Variants in EFCAB8 observed in about 807,000 individuals in gnomAD.
The protein encoded by EFCAB8 is EF-hand calcium binding domain 8.
In EFCAB8, 100 loss-of-function variants were observed where a neutral mutation model predicts 116.3. That is an observed-to-expected ratio of 0.86 (90% CI 0.73 to 1.02). EFCAB8 has a LOEUF of 1.02. Among genes scored for constraint, EFCAB8 ranks in the 50% least tolerant of loss-of-function variants. The pLI, the probability that EFCAB8 is intolerant of heterozygous loss-of-function variation, is 0.00. For missense variants in EFCAB8, 1,320 were observed against 1,416.9 expected (o/e 0.93, Z 1.10); for synonymous variants, 558 against 567.9 (o/e 0.98, Z 0.25).
chr20:32,896,850 A>T (rs191670747), intron 10 of EFCAB8, among the ~76,000 whole-genome samples: 28 of 152,302 alleles, frequency 1.8e-4, no homozygotes, highest in African/African-American at 5.8e-4. Flanking sequence ...TCAGGGCCAG[A>T]GGAATGATGA....
At chr20:32,917,818 C>T (rs748315714) in intron 18 of EFCAB8, among the ~76,000 whole-genome samples, 5 of 152,204 alleles carry the variant, frequency 3.3e-5, no homozygotes, top group Non-Finnish European at 7.3e-5. Flanking sequence ...GTAGATTACT[C>T]GCTCCTTTCC....
At chr20:32,861,744 A>G (rs767037028) in intron 1 of EFCAB8, among the ~76,000 whole-genome samples, 2 of 152,180 alleles carry the variant, frequency 1.3e-5, no homozygotes, top group Non-Finnish European at 2.9e-5. Flanking sequence ...AAAGATCGCC[A>G]TGAACCCTTT....
intron 2 of EFCAB8, among the ~76,000 whole-genome samples, chr20:32,864,854 A>G (rs1984307325): frequency 1.3e-5 from 2 of 152,226 alleles, no homozygotes. Context: ...TGAGACAAGG[A>G]GTAATAACAA....
intron 9 of EFCAB8, among the ~76,000 whole-genome samples, chr20:32,894,463 G>C (rs1418495698): frequency 1.3e-5 from 2 of 152,242 alleles, no homozygotes; most frequent in East Asian, 1.9e-4. Flanking sequence ...AACTGGCACG[G>C]GAGGTTGTGG....
At chr20:32,937,508 A>G (rs1298609869) in intron 22 of EFCAB8, among the ~76,000 whole-genome samples, 1 of 152,278 alleles carries the variant, frequency 6.6e-6, no homozygotes, top group Non-Finnish European at 1.5e-5. Flanking sequence ...CTGAATATAT[A>G]GAAAATCTGA....
chr20:32,960,206 C>A, intron 26 of EFCAB8, 45 bp downstream of exon 26: 1 of 1,519,220 alleles, frequency 6.6e-7, no homozygotes, highest in Non-Finnish European at 8.9e-7. Context: ...GGTCAGGGGC[C>A]AGGGGATCCC....
intron 9 of EFCAB8, 68 bp downstream of exon 9, chr20:32,893,366 C>G: frequency 6.5e-7 from 1 of 1,538,466 alleles, no homozygotes; most frequent in Non-Finnish European, 8.8e-7. Flanking sequence ...TGAGGTCATC[C>G]TGGTCCCCGA....
chr20:32,927,536 G>T (rs1259036964), intron 20 of EFCAB8, among the ~76,000 whole-genome samples: 1 of 152,054 alleles, frequency 6.6e-6, no homozygotes, highest in Non-Finnish European at 1.5e-5. Context: ...GTGGAGACAG[G>T]GTTTCACCAT....
Position 32,918,235 on chromosome 20 carries a change from C to A in EFCAB8, c.2062-127C>A, listed in dbSNP as rs1389309017. ...CTCTGGTCTGATGCCTTTAAGGGGG[C>A]TAGGTTTCTGGGAAGCAAGCCCTGG... On this transcript the variant is annotated intron_variant, in intron 18 of 26. Coordinates refer to ENST00000400522, the MANE Select transcript of EFCAB8 (RefSeq NM_001143967.2). 3.0e-5 allele frequency: 27 copies of A among 903,626 alleles called. No individual in the cohort carries two copies. In the East Asian group the frequency reaches 7.1e-4, roughly 24 times the overall value. The allele number at this position is 903,626 out of a possible 1,614,324, so 56.0% of individuals were successfully genotyped here.
chr20:32,873,593 A>T (rs1984796082), intron 3 of EFCAB8, among the ~76,000 whole-genome samples: 1 of 150,250 alleles, frequency 6.7e-6, no homozygotes, highest in African/African-American at 2.4e-5. Flanking sequence ...TGGGTGTGGT[A>T]GGCTCACACC....
chr20:32,898,792 A>G (rs141988738), intron 11 of EFCAB8, among the ~76,000 whole-genome samples, 169 bp downstream of exon 11: 1 of 152,272 alleles, frequency 6.6e-6, no homozygotes, highest in African/African-American at 2.4e-5. Context: ...AGCCTCTTTT[A>G]TCTCCCAATC....
At chr20:32,887,716 G>A (rs192492931) in intron 6 of EFCAB8, among the ~76,000 whole-genome samples, 1 of 152,318 alleles carries the variant, frequency 6.6e-6, no homozygotes, top group East Asian at 1.9e-4. Context: ...GGCTCTGCTC[G>A]TGGCTTTCCC....
chr20:32,882,677 C>G (rs1052725645), intron 5 of EFCAB8, among the ~76,000 whole-genome samples: 1 of 151,846 alleles, frequency 6.6e-6, no homozygotes, highest in Non-Finnish European at 1.5e-5. Flanking sequence ...GCCGCCACCA[C>G]GCCTGGCCGA....
intron 3 of EFCAB8, among the ~76,000 whole-genome samples, chr20:32,873,825 T>A (rs1984810699): frequency 7.1e-6 from 1 of 141,054 alleles, no homozygotes; most frequent in Non-Finnish European, 1.6e-5. Context: ...AAAAAAAAAA[T>A]GCAGTTCACC....
intron 22 of EFCAB8, among the ~76,000 whole-genome samples, chr20:32,941,229 G>T (rs1015233142): frequency 1.3e-5 from 2 of 148,198 alleles, no homozygotes; most frequent in African/African-American, 5.0e-5. Flanking sequence ...TCCAGTCTGG[G>T]CAACAAGAGC....
intron 5 of EFCAB8, 29 bp downstream of exon 5, chr20:32,878,836 G>C (rs1044584659): frequency 6.5e-7 from 1 of 1,541,380 alleles, no homozygotes; most frequent in Non-Finnish European, 8.8e-7. Flanking sequence ...GGCCTTGGTG[G>C]GTGGGGTGAC....
At chr20:32,901,716 C>A (rs1156439958) in intron 11 of EFCAB8, among the ~76,000 whole-genome samples, 1 of 152,270 alleles carries the variant, frequency 6.6e-6, no homozygotes, top group Non-Finnish European at 1.5e-5. Context: ...GAGACAGAGT[C>A]TTGCTGCAGT....
intron 16 of EFCAB8, among the ~76,000 whole-genome samples, chr20:32,912,585 A>G (rs1986992052): frequency 1.3e-5 from 2 of 152,144 alleles, no homozygotes; most frequent in Admixed American, 6.5e-5. Flanking sequence ...ATGGACATGG[A>G]TGCCTACCCT....
chr20:32,937,036 T>A (rs1988147418), intron 22 of EFCAB8, among the ~76,000 whole-genome samples: 1 of 151,958 alleles, frequency 6.6e-6, no homozygotes, highest in South Asian at 2.1e-4. Flanking sequence ...TACCCCTAAG[T>A]ATTTTATTTT....
Sources: gnomAD v4.1 joint callset for allele counts (sites outside exome capture counted in the v4.1 genomes callset) on GRCh38, gnomAD v4.1.1 for gene constraint, MANE v1.5 for transcripts, NCBI Gene and HGNC (gene_info 2026-07-23, HGNC 2026-07-21) for gene names.